The following CNTN3 variants were observed in gnomAD, a reference collection of about 807,000 sequenced individuals.
The protein encoded by CNTN3 is contactin-3.
CNTN3 carries 60 observed loss-of-function variants against 119.1 expected under a neutral mutation model. That is an observed-to-expected ratio of 0.50 (90% confidence interval 0.41 to 0.62). The LOEUF (loss-of-function observed/expected upper bound fraction) is 0.62, where lower values mean the gene tolerates loss of function less well. Ranked by LOEUF, CNTN3 falls within the 20% of genes least tolerant of loss-of-function variation. CNTN3 has a pLI of 0.00. For missense variants in CNTN3, 1,101 were observed against 1,242.4 expected, an observed-to-expected ratio of 0.89 and a Z score of 1.71; for synonymous variants, 450 against 438.7, an observed-to-expected ratio of 1.03 and a Z score of -0.32.
intron 5 of CNTN3, among the ~76,000 whole-genome samples, chr3:74,414,741 T>C (rs1162947418): frequency 6.6e-6 from 1 of 152,182 alleles, no homozygotes; most frequent in East Asian, 1.9e-4. Context: ...GGTTTCTTTG[T>C]AACAGCAGCA....
chr3:74,485,554 C>T (rs771422337), intron 4 of CNTN3, among the ~76,000 whole-genome samples: 34 of 151,914 alleles, frequency 2.2e-4, no homozygotes, highest in Non-Finnish European at 5.9e-5. Context: ...TTAAATGACC[C>T]ATCATTAATT....
intron 2 of CNTN3, among the ~76,000 whole-genome samples, chr3:74,507,528 A>G (rs1163375803): frequency 2.0e-5 from 3 of 151,750 alleles, no homozygotes; most frequent in Admixed American, 6.6e-5. Context: ...TGCCCCCACC[A>G]TAGTAAGCAG....
Position 74,614,603 on chromosome 3 carries a change from CG to C in CNTN3, c.-294del, listed in dbSNP as rs1438645891. Among the ~76,000 whole-genome samples the C allele has an allele frequency of 1.3e-5, 2 of 149,066 alleles. No individual in the cohort carries two copies. The highest frequency in any genetic ancestry group is 2.4e-5 in the African/African-American group (1 of 41,146). ...GCGCCAGCCCGCCCGCCGCTGCCAC[CG>C]CCGCCGCCGCCAAGCGCCAGGCTGC... On this transcript the variant is annotated 5_prime_UTR_variant, in exon 1 of 23. Coordinates refer to ENST00000263665, the MANE Select transcript of CNTN3 (RefSeq NM_020872.3).
intron 4 of CNTN3, among the ~76,000 whole-genome samples, chr3:74,458,601 T>C (rs1197099947): frequency 6.6e-6 from 1 of 152,004 alleles, no homozygotes; most frequent in African/African-American, 2.4e-5. Context: ...CTAAAAGCTA[T>C]GTACTGTATG....
chr3:74,364,432 A>C, intron 10 of CNTN3, 35 bp downstream of exon 10: 1 of 1,590,636 alleles, frequency 6.3e-7, no homozygotes, highest in Non-Finnish European at 8.6e-7. Flanking sequence ...TTTAAGACAA[A>C]AAATTAAGAG....
intron 1 of CNTN3, among the ~76,000 whole-genome samples, chr3:74,584,941 C>G (rs1704570418): frequency 6.6e-6 from 1 of 152,066 alleles, no homozygotes; most frequent in African/African-American, 2.4e-5. Flanking sequence ...GGCCAATCCC[C>G]TCATGATTGC....
At chr3:74,455,038 A>T (rs1393457314) in intron 4 of CNTN3, among the ~76,000 whole-genome samples, 11 of 152,004 alleles carry the variant, frequency 7.2e-5, no homozygotes, top group Middle Eastern at 3.4e-3. Context: ...TATTTCCTGA[A>T]TCTGAATGTT....
At chr3:74,448,867 T>C (rs534094816) in intron 4 of CNTN3, among the ~76,000 whole-genome samples, 47 of 152,258 alleles carry the variant, frequency 3.1e-4, no homozygotes, top group Non-Finnish European at 6.0e-4. Flanking sequence ...TACCACACAT[T>C]CATACTTTAC....
intron 3 of CNTN3, among the ~76,000 whole-genome samples, chr3:74,489,999 A>G (rs1225240606): frequency 6.6e-6 from 1 of 152,074 alleles, no homozygotes; most frequent in Non-Finnish European, 1.5e-5. Context: ...TTCCATTCCC[A>G]TCAAGCACAT....
chr3:74,546,722 T>C (rs187841845), intron 1 of CNTN3, among the ~76,000 whole-genome samples: 1 of 152,270 alleles, frequency 6.6e-6, no homozygotes, highest in African/African-American at 2.4e-5. Context: ...GTTTTGGGAC[T>C]TGGACTGGCT....
intron 20 of CNTN3, among the ~76,000 whole-genome samples, chr3:74,282,188 A>T (rs564717664): frequency 6.6e-6 from 1 of 152,216 alleles, no homozygotes; most frequent in Non-Finnish European, 1.5e-5. Context: ...CTTCTAAAAA[A>T]CACAAGTATT....
chr3:74,473,508 G>T (rs1382773668), intron 4 of CNTN3, among the ~76,000 whole-genome samples: 1 of 152,172 alleles, frequency 6.6e-6, no homozygotes, highest in African/African-American at 2.4e-5. Flanking sequence ...ATTTTGAAAA[G>T]AGATTAGCTT....
At position 74,301,500 on chromosome 3, in the gene CNTN3, A is replaced by C. The variant is rs929406275; in HGVS notation, c.1993T>G (p.Leu665Val). 5.6e-6 allele frequency: 9 copies of C among 1,613,996 alleles called. No individual in the cohort carries two copies. Among genetic ancestry groups the C allele is most frequent in the Non-Finnish European group, 6.8e-6 (8 of 1,180,006 alleles). ...AATTCATATTCCACCCATGGGTTTAACTCAACTACAGTGGCTGTGTGCGTC... is the reference window on the plus strand; with the variant it reads ...AATTCATATTCCACCCATGGGTTTACCTCAACTACAGTGGCTGTGTGCGTC... ...GKTHTATVVE[L>V]NPWVEYEFRV... The change falls in exon 16 of 23, where the codon TTA becomes GTA. Residue 665 changes from leucine (L) to valine (V), a missense_variant. Transcript: ENST00000263665.
chr3:74,375,612 C>T (rs900245724), intron 5 of CNTN3, among the ~76,000 whole-genome samples: 2 of 152,002 alleles, frequency 1.3e-5, no homozygotes, highest in African/African-American at 4.8e-5. Flanking sequence ...GAAAAGGAAA[C>T]GTGACCACAG....
chr3:74,267,286 A>C lies in CNTN3; in HGVS notation c.2797T>G (p.Ser933Ala). Residue 933 changes from serine to alanine, a missense_variant, in exon 21 of 23, where the codon TCA becomes GCA. Ser to Ala is a moderately conservative substitution (Grantham distance 99). Coordinates refer to ENST00000263665, the MANE Select transcript of CNTN3 (RefSeq NM_020872.3). The part of the protein sequence containing the change: ...WEQVKAMENE[S>A]EVTGYKVFYR... ...CTTACTTTATATCCTGTTACTTCTG[A>C]CTCATTCTCCATGGCTTTAACTTGC... 6.2e-7 allele frequency: 1 copy of C among 1,611,110 alleles called. No individual in the cohort carries two copies. The highest frequency in any genetic ancestry group is 8.5e-7 in the Non-Finnish European group (1 of 1,177,432).
rs150766099 is a variant in CNTN3, at chr3:74,298,165, A to G, written c.2193T>C (p.Gly731=). 105 of 1,600,970 alleles carry G rather than the reference A, an allele frequency of 6.6e-5. No homozygotes were observed. The African/African-American group carries it at 1.4e-3, about 21-fold the overall frequency. The change falls in exon 18 of 23, where the codon GGT becomes GGC. Residue 731 remains glycine, a synonymous_variant. Transcript: ENST00000263665. The stretch of plus-strand genomic sequence containing the variant: ...AAGCAACAACATACCCAAAACCTTC[A>G]CCATTCTGTAGTTCTTCAGGGACTG... The part of the protein sequence containing the change: ...WDPVPEELQN[G]EGFGYVVAFR...
chr3:74,545,138 T>G (rs1428993727), intron 1 of CNTN3, among the ~76,000 whole-genome samples: 1 of 152,184 alleles, frequency 6.6e-6, no homozygotes, highest in African/African-American at 2.4e-5. Context: ...TTAGTAAAAG[T>G]AATTGTAATA....
At chr3:74,435,850 T>C (rs999042693) in intron 4 of CNTN3, among the ~76,000 whole-genome samples, 5 of 152,282 alleles carry the variant, frequency 3.3e-5, no homozygotes, top group Middle Eastern at 3.4e-3. Context: ...CTTTGTATTA[T>C]GCAATAGGTC....
intron 1 of CNTN3, among the ~76,000 whole-genome samples, chr3:74,555,160 A>G (rs1226645211): frequency 2.6e-5 from 4 of 152,158 alleles, no homozygotes; most frequent in Non-Finnish European, 4.4e-5. Flanking sequence ...TTCTGCATCT[A>G]TTGAGGTAAT....
Sources: allele counts gnomAD v4.1 joint callset (sites outside exome capture counted in the v4.1 genomes callset), GRCh38; gene constraint gnomAD v4.1.1; transcripts MANE v1.5; gene names NCBI Gene and HGNC (gene_info 2026-07-23, HGNC 2026-07-21).